The following DRD2 variants were observed in gnomAD, a reference collection of about 807,000 sequenced individuals.
The protein encoded by DRD2 is dopamine receptor D2.
DRD2 carries 8 observed loss-of-function variants against 38.0 expected under a neutral mutation model. That is an observed-to-expected ratio of 0.21 (90% CI 0.12 to 0.38). DRD2 has a LOEUF of 0.38. DRD2 is among the 10% of genes least tolerant of loss of function. The pLI is 1.00. For synonymous variants in DRD2, 230 were observed against 238.6 expected, an observed-to-expected ratio of 0.96 and a Z score of 0.33; for missense variants, 403 against 607.7, an observed-to-expected ratio of 0.66 and a Z score of 3.54.
Position 113,452,466 on chromosome 11 carries a change from G to GTA in DRD2, c.-32+22609_-32+22610insTA, listed in dbSNP as rs1591297430. On this transcript the variant is annotated intron_variant, in intron 1 of 7. Transcript: ENST00000362072. Reference sequence around the variant, plus strand: ...TGTGTGTGTGTGTGTGTGTGTGTGTGTGTGCGCGCGCGCGCGCGCGCACAT... The same window carrying GTA: ...TGTGTGTGTGTGTGTGTGTGTGTGTGTATGTGCGCGCGCGCGCGCGCGCACAT... Among the ~76,000 whole-genome samples the GTA allele has an allele frequency of 4.4e-5, 4 of 91,382 alleles. No homozygotes were observed. In the East Asian group the frequency reaches 1.2e-3, roughly 26 times the overall value. 60.0% of individuals were successfully genotyped at this position (91,382 alleles called of 152,430 possible).
intron 2 of DRD2, among the ~76,000 whole-genome samples, chr11:113,423,266 T>C (rs957803806): frequency 6.9e-6 from 1 of 144,676 alleles, no homozygotes; most frequent in African/African-American, 2.4e-5. Flanking sequence ...ATTTTGTTTT[T>C]GTTTTAATTT....
At chr11:113,428,987 C>T (rs1295589193) in intron 1 of DRD2, among the ~76,000 whole-genome samples, 1 of 152,146 alleles carries the variant, frequency 6.6e-6, no homozygotes, top group Non-Finnish European at 1.5e-5. Flanking sequence ...TGAGGGTGAG[C>T]ATTCATTCTC....
rs376186482 is a variant in DRD2 at position 113,410,767 on chromosome 11, A to G, written c.1292T>C (p.Ile431Thr). ...CTTCAGGAAGGCCTTGCGGAACTCA[A>G]TGTTGAAGGTGGTGTAGATGATGGG... ...VNPIIYTTFNIEFRKAFLKIL... is the reference protein window; with the variant it reads ...VNPIIYTTFNTEFRKAFLKIL... Residue 431 changes from isoleucine to threonine, a missense_variant, in exon 8 of 8, where the codon ATT (isoleucine) becomes ACT (threonine). This residue lies in a region of DRD2 where 67 missense variants were observed against 136.1 expected (regional missense o/e 0.49). Coordinates refer to ENST00000362072, the MANE Select transcript of DRD2 (RefSeq NM_000795.4). 5.2e-5 allele frequency: 84 copies of G among 1,614,200 alleles called. No individual in the cohort carries two copies. Among genetic ancestry groups the G allele is most frequent in the East Asian group, 2.5e-4 (11 of 44,886 alleles).
In DRD2 at chr11:113,410,495, T is replaced by G. The variant is rs200698836; in HGVS notation, c.*232A>C. ...GGGACTCTATGAGCTGCCCCTGAGC[T>G]GGGGGGCCCAGCCCCAGGGCTGGTA... On this transcript the variant is annotated 3_prime_UTR_variant, in exon 8 of 8. Coordinates refer to ENST00000362072, the MANE Select transcript of DRD2 (RefSeq NM_000795.4). 1.6e-6 allele frequency: 1 copy of G among 606,272 alleles called. No individual in the cohort carries two copies. The highest frequency in any genetic ancestry group is 2.9e-6 in the Non-Finnish European group (1 of 339,862). The allele number at this position is 606,272 out of a possible 1,614,324, so 37.6% of individuals were successfully genotyped here.
At chr11:113,436,688 C>T (rs928020198) in intron 1 of DRD2, among the ~76,000 whole-genome samples, 1 of 152,160 alleles carries the variant, frequency 6.6e-6, no homozygotes, top group Non-Finnish European at 1.5e-5. Flanking sequence ...GTGATAGATA[C>T]ATTGAGGTTC....
chr11:113,468,643 G>C (rs1170760910), intron 1 of DRD2, among the ~76,000 whole-genome samples: 1 of 152,172 alleles, frequency 6.6e-6, no homozygotes, highest in Non-Finnish European at 1.5e-5. Flanking sequence ...TACCTCCCAG[G>C]TTCAAGCAAT....
chr11:113,447,198 G>A (rs1053060757), intron 1 of DRD2, among the ~76,000 whole-genome samples: 30 of 152,138 alleles, frequency 2.0e-4, no homozygotes. Context: ...AGGCCCGCTG[G>A]GCTGCACGGC....
At chr11:113,421,205 C>T (rs1480237719) in intron 2 of DRD2, among the ~76,000 whole-genome samples, 1 of 152,160 alleles carries the variant, frequency 6.6e-6, no homozygotes, top group Non-Finnish European at 1.5e-5. Context: ...CATCATTTCT[C>T]CCTGAAAGTC....
At chr11:113,465,290 T>C (rs1951357652) in intron 1 of DRD2, among the ~76,000 whole-genome samples, 1 of 152,184 alleles carries the variant, frequency 6.6e-6, no homozygotes, top group Non-Finnish European at 1.5e-5. Flanking sequence ...AGATGAGCTT[T>C]TGCCATGTTG....
intron 1 of DRD2, among the ~76,000 whole-genome samples, chr11:113,429,224 T>C (rs1950964911): frequency 6.6e-6 from 1 of 152,152 alleles, no homozygotes; most frequent in South Asian, 2.1e-4. Flanking sequence ...CAGGGCTATC[T>C]TTTTGTCTGT....
chr11:113,413,007 C>T, intron 6 of DRD2, 124 bp from the exon 7 acceptor site: 1 of 1,123,800 alleles, frequency 8.9e-7, no homozygotes, highest in East Asian at 2.6e-5. Flanking sequence ...GTCACCCTGC[C>T]AGGGAGGCAA....
chr11:113,430,362 TTA>T (rs1950975044), intron 1 of DRD2, among the ~76,000 whole-genome samples: 1 of 152,142 alleles, frequency 6.6e-6, no homozygotes. Context: ...CACCACTATT[TTA>T]TATATCACTA....
At chr11:113,434,147 C>T (rs570519193) in intron 1 of DRD2, among the ~76,000 whole-genome samples, 6 of 152,352 alleles carry the variant, frequency 3.9e-5, no homozygotes, top group Admixed American at 3.3e-4. Flanking sequence ...TTTCACAACA[C>T]GTGTGCTCCT....
chr11:113,414,461 C>G lies in DRD2; in HGVS notation c.724G>C (p.Gly242Arg). The part of the protein sequence containing the change: ...FRAHLRAPLK[G>R]NCTHPEDMKL... ...ATGTCCTCGGGGTGAGTACAGTTGC[C>G]CTGTGGAGTGAGCCAGCACATGGGT... Residue 242 changes from glycine (G) to arginine (R), a missense_variant and splice_region_variant, in exon 6 of 8, where the codon GGC (glycine) becomes CGC (arginine). Physicochemically the swap from Gly to Arg is moderately radical, Grantham distance 125. This residue lies in a region of DRD2 where 166 missense variants were observed against 178.6 expected (regional missense o/e 0.93). Coordinates refer to ENST00000362072, the MANE Select transcript of DRD2 (RefSeq NM_000795.4). The G allele has an allele frequency of 6.2e-7, 1 of 1,614,094 alleles. No homozygotes were observed. The highest frequency in any genetic ancestry group is 8.5e-7 in the Non-Finnish European group (1 of 1,180,022).
chr11:113,435,792 G>C (rs1163310061), intron 1 of DRD2, among the ~76,000 whole-genome samples: 1 of 152,188 alleles, frequency 6.6e-6, no homozygotes, highest in Non-Finnish European at 1.5e-5. Context: ...AGGAGGAAGG[G>C]CTGGGTCTTA....
rs560891321 is a variant in DRD2 at position 113,437,232 on chromosome 11, AGAAACAG to A, written c.-31-12557_-31-12551del. On this transcript the variant is annotated intron_variant, in intron 1 of 7. Transcript: ENST00000362072. ...GATATGATCCCCATGCTACAGACAA[AGAAACAG>A]GCAGTGGGTTGTGAACATCAGTGGA... Among the ~76,000 whole-genome samples, 3 of 152,340 alleles carry A rather than the reference AGAAACAG, an allele frequency of 2.0e-5. No individual in the cohort carries two copies. The South Asian group carries it at 6.2e-4, about 32-fold the overall frequency.
At position 113,424,640 on chromosome 11, in the gene DRD2, C is replaced by G. The variant is rs2138180341; in HGVS notation, c.12G>C (p.Leu4=). 1 of 1,614,138 alleles carries G rather than the reference C, an allele frequency of 6.2e-7. No individual in the cohort carries two copies. The highest frequency in any genetic ancestry group is 1.1e-5 in the South Asian group (1 of 91,076). The part of the protein sequence containing the change: MDP[L]NLSWYDDDLE... ...GATCATCATCATACCAGGACAGATT[C>G]AGTGGATCCATCAGGGCGGTGGAGC... is the stretch of plus-strand genomic sequence containing the variant. The change falls in exon 2 of 8, where the codon CTG becomes CTC. Residue 4 remains leucine (L), a synonymous_variant. Coordinates refer to ENST00000362072, the MANE Select transcript of DRD2 (RefSeq NM_000795.4).
intron 1 of DRD2, among the ~76,000 whole-genome samples, chr11:113,465,487 C>G (rs1951360193): frequency 6.6e-6 from 1 of 152,116 alleles, no homozygotes; most frequent in Admixed American, 6.6e-5. Context: ...GTGCTTAAAA[C>G]CCAATCCTTC....
intron 1 of DRD2, among the ~76,000 whole-genome samples, chr11:113,468,475 A>G (rs573034231): frequency 4.8e-4 from 73 of 152,344 alleles, no homozygotes; most frequent in Admixed American, 1.3e-3. Flanking sequence ...TGCCCTGCCC[A>G]GGGACATCCA....
Sources: allele counts gnomAD v4.1 joint callset (sites outside exome capture counted in the v4.1 genomes callset), GRCh38; gene constraint gnomAD v4.1.1; regional missense constraint gnomAD v4.1.1; transcripts MANE v1.5; gene names NCBI Gene and HGNC (gene_info 2026-07-23, HGNC 2026-07-21).